Variants in DAB1 observed in about 807,000 individuals in gnomAD.
DAB1 encodes the protein disabled homolog 1.
Under a neutral mutation model 64.6 loss-of-function variants are expected in DAB1, and 15 were observed. The ratio of observed to expected loss-of-function variants is 0.23; its 90% CI spans 0.16 to 0.36. The LOEUF (loss-of-function observed/expected upper bound fraction) is 0.36, where lower values mean the gene tolerates loss of function less well. DAB1 is among the 10% of genes least tolerant of loss of function. The pLI is 1.00. For missense variants in DAB1, 596 were observed against 706.7 expected (o/e 0.84, Z 1.78); for synonymous variants, 235 against 251.9 (o/e 0.93, Z 0.64).
chr1:57,567,558 T>G (rs1315455612), intron 7 of DAB1, among the ~76,000 whole-genome samples: 1 of 152,204 alleles, frequency 6.6e-6, no homozygotes, highest in African/African-American at 2.4e-5. Context: ...CTCCTTAAGC[T>G]GATAAGCAAC....
At chr1:58,101,553 G>A (rs1651325292) in intron 5 of DAB1, among the ~76,000 whole-genome samples, 1 of 152,014 alleles carries the variant, frequency 6.6e-6, no homozygotes, top group African/African-American at 2.4e-5. Flanking sequence ...AACCATGGAG[G>A]TCCCTAAACA....
intron 6 of DAB1, among the ~76,000 whole-genome samples, chr1:57,804,143 C>T (rs1356982529): frequency 6.6e-6 from 1 of 152,048 alleles, no homozygotes; most frequent in Non-Finnish European, 1.5e-5. Context: ...ACAGACATTC[C>T]CCCTTCCATT....
chr1:58,241,595 A>G (rs911523182), intron 4 of DAB1, among the ~76,000 whole-genome samples: 5 of 152,140 alleles, frequency 3.3e-5, no homozygotes, highest in African/African-American at 9.6e-5. Context: ...ATGACTATCT[A>G]TAATGTAAAA....
chr1:57,078,285 T>C (rs1206224844), intron 4 of DAB1, among the ~76,000 whole-genome samples: 2 of 152,118 alleles, frequency 1.3e-5, no homozygotes, highest in African/African-American at 2.4e-5. Context: ...GGTGTGATAA[T>C]GGAGGAAAGA....
intron 2 of DAB1, among the ~76,000 whole-genome samples, chr1:57,186,722 C>T (rs1314200820): frequency 6.6e-6 from 1 of 152,226 alleles, no homozygotes; most frequent in Non-Finnish European, 1.5e-5. Flanking sequence ...CCAGTACCCA[C>T]TTCAAGAATT....
At chr1:57,251,060 A>T (rs1669300612) in intron 2 of DAB1, among the ~76,000 whole-genome samples, 1 of 152,240 alleles carries the variant, frequency 6.6e-6, no homozygotes, top group Non-Finnish European at 1.5e-5. Context: ...AAAATGTGGT[A>T]TTATTGGATT....
intron 5 of DAB1, among the ~76,000 whole-genome samples, chr1:58,038,919 A>G (rs1320205929): frequency 1.3e-5 from 2 of 152,084 alleles, no homozygotes; most frequent in East Asian, 1.9e-4. Context: ...CCATCCCTCA[A>G]TGGAGACCAT....
At chr1:57,338,695 C>T (rs1207472585) in intron 1 of DAB1, among the ~76,000 whole-genome samples, 1 of 152,160 alleles carries the variant, frequency 6.6e-6, no homozygotes, top group Non-Finnish European at 1.5e-5. Context: ...ACTCTTCATG[C>T]AATCATTGTT....
intron 1 of DAB1, among the ~76,000 whole-genome samples, chr1:57,419,013 A>T (rs1015823923): frequency 6.6e-6 from 1 of 152,212 alleles, no homozygotes; most frequent in African/African-American, 2.4e-5. Flanking sequence ...TTATATCCTG[A>T]TATGCATTTC....
intron 6 of DAB1, among the ~76,000 whole-genome samples, chr1:57,808,197 G>GCACA (rs3081057): frequency 8.3e-4 from 123 of 148,294 alleles, no homozygotes; most frequent in Non-Finnish European, 1.5e-3. Flanking sequence ...ACATGCACAT[G>GCACA]CACACACACA....
At chr1:58,201,170 C>T (rs921527458) in intron 4 of DAB1, among the ~76,000 whole-genome samples, 11 of 152,038 alleles carry the variant, frequency 7.2e-5, no homozygotes, top group African/African-American at 7.2e-5. Flanking sequence ...GTGCCCGCCA[C>T]CACACCTGGC....
At chr1:58,504,770 G>A (rs569960857) in intron 3 of DAB1, among the ~76,000 whole-genome samples, 7 of 152,056 alleles carry the variant, frequency 4.6e-5, no homozygotes, top group Non-Finnish European at 8.8e-5. Flanking sequence ...ACTGCATACC[G>A]TTTTTATTTT....
intron 5 of DAB1, among the ~76,000 whole-genome samples, chr1:58,131,812 C>T (rs963287429): frequency 2.5e-4 from 38 of 149,780 alleles, no homozygotes; most frequent in African/African-American, 8.9e-4. Flanking sequence ...GCAGTCTGCC[C>T]GTTCTCAGAT....
chr1:57,318,303 A>G (rs1039027646), intron 1 of DAB1, among the ~76,000 whole-genome samples: 1 of 152,222 alleles, frequency 6.6e-6, no homozygotes, highest in Non-Finnish European at 1.5e-5. Context: ...AATCCTCCAG[A>G]AAAAGAAAAT....
intron 3 of DAB1, among the ~76,000 whole-genome samples, chr1:58,387,327 C>T (rs1312534039): frequency 6.6e-6 from 1 of 152,114 alleles, no homozygotes; most frequent in African/African-American, 2.4e-5. Context: ...ATGCATATCA[C>T]AAGGAAATCA....
intron 5 of DAB1, among the ~76,000 whole-genome samples, chr1:57,921,083 A>G (rs1644801774): frequency 6.6e-6 from 1 of 152,238 alleles, no homozygotes. Context: ...ACATCATAAT[A>G]TGGTGATAAA....
intron 6 of DAB1, among the ~76,000 whole-genome samples, chr1:57,813,727 A>G (rs1042915156): frequency 1.3e-5 from 2 of 152,050 alleles, no homozygotes; most frequent in South Asian, 4.1e-4. Context: ...TGAAGAGAAG[A>G]CTACAGTTTC....
At chr1:57,767,530 A>G (rs1649367758) in intron 6 of DAB1, among the ~76,000 whole-genome samples, 1 of 152,172 alleles carries the variant, frequency 6.6e-6, no homozygotes, top group African/African-American at 2.4e-5. Context: ...GGTTATCATG[A>G]TTGGACAAAC....
chr1:58,184,390 C>A (rs963137735), intron 4 of DAB1, among the ~76,000 whole-genome samples: 4 of 151,496 alleles, frequency 2.6e-5, no homozygotes, highest in African/African-American at 9.7e-5. Context: ...AGTCCTAATA[C>A]CTAGGACAAT....
Sources: allele counts gnomAD v4.1 joint callset (sites outside exome capture counted in the v4.1 genomes callset), GRCh38; gene constraint gnomAD v4.1.1; transcripts MANE v1.5; gene names NCBI Gene and HGNC (gene_info 2026-07-23, HGNC 2026-07-21).